ARSF: variants seen among roughly 807,000 people sequenced by gnomAD.
ARSF encodes arylsulfatase F.
ARSF carries 33 observed loss-of-function variants against 35.4 expected under a neutral mutation model. That is an observed-to-expected ratio of 0.93 (90% CI 0.71 to 1.25). The LOEUF (loss-of-function observed/expected upper bound fraction) is 1.25, where lower values mean the gene tolerates loss of function less well. Among genes scored for constraint, ARSF ranks in the 50% most tolerant of loss-of-function variants. The pLI, the probability that ARSF is intolerant of heterozygous loss-of-function variation, is 0.00. For missense variants in ARSF, 501 were observed against 480.2 expected (o/e 1.04, Z -0.40); for synonymous variants, 222 against 193.1 (o/e 1.15, Z -1.24).
intron 1 of ARSF, among the ~76,000 whole-genome samples, chrX:3,066,480 A>G (rs1356910175): frequency 1.8e-5 from 2 of 111,972 alleles, no homozygotes; most frequent in Non-Finnish European, 3.8e-5. Flanking sequence ...TCACCGCAAC[A>G]CAAGGGACAT....
intron 4 of ARSF, among the ~76,000 whole-genome samples, chrX:3,079,714 CT>C (rs924429946): frequency 7.4e-5 from 8 of 108,613 alleles, no homozygotes; most frequent in African/African-American, 2.7e-4. Flanking sequence ...AATCCCAGCA[CT>C]TTGGGAAGCT....
intron 9 of ARSF, among the ~76,000 whole-genome samples, chrX:3,109,775 T>G (rs371795705): frequency 1.8e-5 from 2 of 112,365 alleles, no homozygotes; most frequent in Admixed American, 9.5e-5. Flanking sequence ...ATAAAATTTT[T>G]TCAAAGGGTA....
chrX:3,070,202 C>T (rs893631394), intron 2 of ARSF, among the ~76,000 whole-genome samples: 6 of 111,416 alleles, frequency 5.4e-5, no homozygotes, highest in Non-Finnish European at 5.6e-5. Flanking sequence ...CAGGTTCATC[C>T]ACGTTGTTGT....
intron 2 of ARSF, among the ~76,000 whole-genome samples, chrX:3,071,437 G>A (rs1193272771): frequency 9.1e-6 from 1 of 110,245 alleles, no homozygotes; most frequent in African/African-American, 3.3e-5. Context: ...CCTAGCAGCT[G>A]GGATTACAGG....
chrX:3,107,109 A>G (rs1035631954), intron 9 of ARSF, among the ~76,000 whole-genome samples: 18 of 112,269 alleles, frequency 1.6e-4, no homozygotes, highest in Non-Finnish European at 3.2e-4. Context: ...AATGACGAGA[A>G]AAAGTCTGTA....
chrX:3,084,926 C>G (rs781504654), intron 6 of ARSF, among the ~76,000 whole-genome samples: 1 of 111,280 alleles, frequency 9.0e-6, no homozygotes, highest in Non-Finnish European at 1.9e-5. Flanking sequence ...TAAATTGTAA[C>G]GTGTACTCTT....
chrX:3,069,323 A>G (rs1268271315), intron 2 of ARSF, among the ~76,000 whole-genome samples: 1 of 109,463 alleles, frequency 9.1e-6, no homozygotes, highest in Non-Finnish European at 1.9e-5. Context: ...CAAAGCTGCT[A>G]TTCTCACACT....
At chrX:3,071,428 CT>C (rs1240543640) in intron 2 of ARSF, among the ~76,000 whole-genome samples, 1 of 110,409 alleles carries the variant, frequency 9.1e-6, no homozygotes, top group African/African-American at 3.3e-5. Flanking sequence ...CTCAGCCCCC[CT>C]AGCAGCTGGG....
intron 2 of ARSF, among the ~76,000 whole-genome samples, 157 bp from the exon 3 acceptor site, chrX:3,071,869 C>A (rs2090106695): frequency 8.9e-6 from 1 of 112,134 alleles, no homozygotes; most frequent in Admixed American, 9.5e-5. Context: ...CATTCAGCAG[C>A]AGTGCTCGGT....
chrX:3,055,171 C>T (rs1315189663), intron 1 of ARSF, among the ~76,000 whole-genome samples: 2 of 106,221 alleles, frequency 1.9e-5, no homozygotes, highest in Non-Finnish European at 3.9e-5. Flanking sequence ...GGAGAAACCC[C>T]GTCTCTACTA....
At chrX:3,108,976 G>A (rs763188822) in intron 9 of ARSF, among the ~76,000 whole-genome samples, 3 of 110,816 alleles carry the variant, frequency 2.7e-5, no homozygotes, top group Non-Finnish European at 3.8e-5. Context: ...AGATCGTGCC[G>A]TTGCACTCCA....
intron 1 of ARSF, among the ~76,000 whole-genome samples, chrX:3,064,780 G>A (rs1011793511): frequency 5.4e-5 from 6 of 111,422 alleles, no homozygotes; most frequent in African/African-American, 9.8e-5. Context: ...TTAGAATGGC[G>A]ATCATTAAAA....
At chrX:3,101,911 T>C (rs1285913993) in intron 8 of ARSF, among the ~76,000 whole-genome samples, 2 of 112,200 alleles carry the variant, frequency 1.8e-5, no homozygotes, top group African/African-American at 6.5e-5. Flanking sequence ...AGAGAGATTT[T>C]AAAGTATTTT....
At chrX:3,088,457 C>CTG (rs1227098303) in intron 6 of ARSF, among the ~76,000 whole-genome samples, 1 of 111,816 alleles carries the variant, frequency 8.9e-6, no homozygotes, top group Non-Finnish European at 1.9e-5. Context: ...CATATGCCTG[C>CTG]TGCACAGTAA....
chrX:3,085,267 G>A (rs1255500120), intron 6 of ARSF, among the ~76,000 whole-genome samples: 1 of 106,827 alleles, frequency 9.4e-6, no homozygotes. Context: ...CAGGGAATAT[G>A]TACATATACA....
chrX:3,066,656 G>A (rs768886368), intron 1 of ARSF, among the ~76,000 whole-genome samples: 1 of 111,642 alleles, frequency 9.0e-6, no homozygotes, highest in Non-Finnish European at 1.9e-5. Flanking sequence ...TCTTTTCCTG[G>A]GTGTGTAGTA....
In ARSF at chrX:3,110,170, C is replaced by T. The variant is rs147511187; in HGVS notation, c.1308C>T (p.Asn436=). Residue 436 remains asparagine, a synonymous_variant, in exon 10 of 11, where the codon AAC becomes AAT. Transcript: ENST00000381127. ...GRDLMPLLQG[N]VRHSEHEFLF... is the part of the protein sequence containing the mutation. ...ACCTCATGCCCTTGCTGCAGGGCAA[C>T]GTCAGGCACTCGGAGCATGAATTTC... The T allele has an allele frequency of 4.6e-4, 550 of 1,202,344 alleles. No individual in the cohort carries two copies. The highest frequency in any genetic ancestry group is 2.3e-3 in the Middle Eastern group (10 of 4,299).
At chrX:3,086,360 A>G (rs1314760038) in intron 6 of ARSF, among the ~76,000 whole-genome samples, 5 of 112,611 alleles carry the variant, frequency 4.4e-5, no homozygotes, top group African/African-American at 9.7e-5. Flanking sequence ...CAAAAGTTCC[A>G]TATGATCCAC....
At chrX:3,079,970 CAAAAAAAAA>C (rs1224175073) in intron 4 of ARSF, among the ~76,000 whole-genome samples, 3 of 28,407 alleles carry the variant, frequency 1.1e-4, no homozygotes, top group African/African-American at 4.9e-4. Flanking sequence ...ACAACAACAA[CAAAAAAAAA>C]AAAAAAAAAA....
Sources: gnomAD v4.1 joint callset for allele counts (sites outside exome capture counted in the v4.1 genomes callset) on GRCh38, gnomAD v4.1.1 for gene constraint, MANE v1.5 for transcripts, NCBI Gene and HGNC (gene_info 2026-07-23, HGNC 2026-07-21) for gene names.